The following ABLIM1 variants were observed in gnomAD, a reference collection of about 807,000 sequenced individuals.
ABLIM1 encodes actin-binding LIM protein 1.
In ABLIM1, 40 loss-of-function variants were observed where a neutral mutation model predicts 107.0. The observed-to-expected ratio is 0.37, with a 90% CI of 0.29 to 0.49. The LOEUF (loss-of-function observed/expected upper bound fraction) is 0.49, where lower values mean the gene tolerates loss of function less well. Ranked by LOEUF, ABLIM1 falls within the 20% of genes least tolerant of loss-of-function variation. The pLI is 0.97. For missense variants in ABLIM1, 857 were observed against 1,008.5 expected (o/e 0.85, Z 2.04); for synonymous variants, 357 against 357.3 (o/e 1.00, Z 0.01).
At chr10:114,792,600 T>C in the ABLIM1 span, among the ~76,000 whole-genome samples, 11 of 152,182 alleles carry the variant, frequency 7.2e-5, no homozygotes, top group African/African-American at 2.4e-4. Flanking sequence ...GGCTGCTCCT[T>C]CTTCTTTCTG....
At chr10:114,467,874 G>T (rs752776453) in intron 11 of ABLIM1, among the ~76,000 whole-genome samples, 8 of 152,088 alleles carry the variant, frequency 5.3e-5, no homozygotes, top group Non-Finnish European at 2.9e-5. Context: ...TTATAGATGC[G>T]GACAAAGAGC....
At chr10:114,622,474 C>T (rs192126744) in intron 1 of ABLIM1, among the ~76,000 whole-genome samples, 23 of 152,072 alleles carry the variant, frequency 1.5e-4, no homozygotes, top group Non-Finnish European at 1.3e-4. Flanking sequence ...CTCACACTTC[C>T]GAGCTCAAGT....
chr10:114,691,571 A>G (rs919349946), intron 1 of ABLIM1, among the ~76,000 whole-genome samples: 22 of 152,172 alleles, frequency 1.4e-4, no homozygotes, highest in Non-Finnish European at 2.9e-4. Flanking sequence ...CATTTGATGC[A>G]AATAAGTTGC....
chr10:114,525,359 T>C (rs1227144331), intron 6 of ABLIM1, among the ~76,000 whole-genome samples: 1 of 152,240 alleles, frequency 6.6e-6, no homozygotes, highest in Non-Finnish European at 1.5e-5. Flanking sequence ...AGGCTTCTGT[T>C]GTCAGGATAT....
intron 21 of ABLIM1, among the ~76,000 whole-genome samples, chr10:114,438,148 C>A (rs113945454): frequency 3.9e-5 from 6 of 152,196 alleles, no homozygotes; most frequent in African/African-American, 1.2e-4. Flanking sequence ...TCTCAGGTAG[C>A]ACTGAGCCTT....
At chr10:114,655,712 T>C (rs1194684317) in intron 1 of ABLIM1, among the ~76,000 whole-genome samples, 2 of 152,196 alleles carry the variant, frequency 1.3e-5, no homozygotes, top group African/African-American at 2.4e-5. Context: ...AAAGTCTTCT[T>C]AGCAGAGCTT....
intron 1 of ABLIM1, among the ~76,000 whole-genome samples, chr10:114,724,638 AGGTGAAGAT>A (rs1012755553): frequency 6.6e-6 from 1 of 152,146 alleles, no homozygotes; most frequent in Non-Finnish European, 1.5e-5. Context: ...AGGCCTTCCA[AGGTGAAGAT>A]GGTCCCACCC....
chr10:114,497,058 T>C (rs1174195372), intron 6 of ABLIM1, among the ~76,000 whole-genome samples: 9 of 152,188 alleles, frequency 5.9e-5, no homozygotes, highest in Admixed American at 1.3e-4. Context: ...ATCATTTAAA[T>C]TGGAGTTATT....
chr10:114,528,116 G>A (rs1443100753), intron 6 of ABLIM1, among the ~76,000 whole-genome samples: 1 of 152,106 alleles, frequency 6.6e-6, no homozygotes, highest in Non-Finnish European at 1.5e-5. Context: ...GATTACAGGC[G>A]TGAGCCACTG....
At chr10:114,483,775 C>A (rs1204169338) in intron 8 of ABLIM1, among the ~76,000 whole-genome samples, 1 of 152,252 alleles carries the variant, frequency 6.6e-6, no homozygotes, top group Non-Finnish European at 1.5e-5. Flanking sequence ...CACAGCCCAG[C>A]CAAAGTGCTG....
At chr10:114,719,916 T>C (rs2081799326) in intron 1 of ABLIM1, among the ~76,000 whole-genome samples, 1 of 152,182 alleles carries the variant, frequency 6.6e-6, no homozygotes, top group Non-Finnish European at 1.5e-5. Context: ...AACAATCCAA[T>C]TAACCTTTCT....
At chr10:114,580,291 T>C (rs1418177983) in intron 2 of ABLIM1, among the ~76,000 whole-genome samples, 1 of 151,754 alleles carries the variant, frequency 6.6e-6, no homozygotes, top group Non-Finnish European at 1.5e-5. Flanking sequence ...ACTGCAGCCT[T>C]CAACTCCTGG....
At chr10:114,496,687 A>C (rs1190257781) in intron 6 of ABLIM1, among the ~76,000 whole-genome samples, 2 of 152,182 alleles carry the variant, frequency 1.3e-5, no homozygotes, top group African/African-American at 4.8e-5. Context: ...AAAAGAAAAC[A>C]CTGCTAAAAA....
intron 6 of ABLIM1, among the ~76,000 whole-genome samples, chr10:114,515,513 G>A (rs1227168456): frequency 1.3e-5 from 2 of 152,150 alleles, no homozygotes; most frequent in Non-Finnish European, 1.5e-5. Context: ...CAGAGCTGAC[G>A]GGATGCTAAT....
chr10:114,671,408 A>T (rs2080247425), intron 1 of ABLIM1, among the ~76,000 whole-genome samples: 1 of 152,210 alleles, frequency 6.6e-6, no homozygotes, highest in African/African-American at 2.4e-5. Context: ...ATCACTGTAC[A>T]TGTCCATTGG....
the ABLIM1 span, among the ~76,000 whole-genome samples, chr10:114,775,721 C>A: frequency 6.6e-6 from 1 of 152,130 alleles, no homozygotes; most frequent in African/African-American, 2.4e-5. Flanking sequence ...AAGTGACAAG[C>A]AGGATATATC....
At position 114,619,787 on chromosome 10, in the gene ABLIM1, G is replaced by A. The variant is rs181845103; in HGVS notation, c.245-17826C>T. Among the ~76,000 whole-genome samples, 233 of 152,298 alleles carry A rather than the reference G, an allele frequency of 1.5e-3. No homozygotes were observed. Among genetic ancestry groups the A allele is most frequent in the African/African-American group, 5.4e-3 (223 of 41,566 alleles). On this transcript the variant is annotated intron_variant, in intron 1 of 22. Transcript: ENST00000533213. The surrounding 1 kb of genome is among the most constrained non-coding windows in gnomAD (Gnocchi z 4.1). ...GCTTGAAAGCTGACATGGGCTCTAC[G>A]AGTGTTTTCTTTGGACTTCCAGCTG...
At chr10:114,797,587 C>T in the ABLIM1 span, among the ~76,000 whole-genome samples, 1 of 152,168 alleles carries the variant, frequency 6.6e-6, no homozygotes, top group Non-Finnish European at 1.5e-5. Context: ...CTTCCACCTT[C>T]CTGTCTTTCC....
At chr10:114,787,919 C>T in the ABLIM1 span, among the ~76,000 whole-genome samples, 57 of 145,190 alleles carry the variant, frequency 3.9e-4, no homozygotes, top group Non-Finnish European at 7.9e-4. Flanking sequence ...ATTGAGAAAT[C>T]GGATGGTTGC....
Sources: gnomAD v4.1 joint callset for allele counts (sites outside exome capture counted in the v4.1 genomes callset) on GRCh38, gnomAD v4.1.1 for gene constraint, Gnocchi (gnomAD v3.1) non-coding constraint, MANE v1.5 for transcripts, NCBI Gene and HGNC (gene_info 2026-07-23, HGNC 2026-07-21) for gene names.